SNX29: variants seen among roughly 807,000 people sequenced by gnomAD.
SNX29 encodes the protein sorting nexin-29.
Under a neutral mutation model 102.1 loss-of-function variants are expected in SNX29, and 78 were observed. The observed-to-expected ratio is 0.76, with a 90% CI of 0.64 to 0.92. SNX29 has a LOEUF of 0.92. SNX29 is among the 40% of genes least tolerant of loss of function. The pLI, the probability that SNX29 is intolerant of heterozygous loss-of-function variation, is 0.00. For missense variants in SNX29, 1,280 were observed against 1,061.7 expected (o/e 1.21, Z -2.86); for synonymous variants, 580 against 414.5 (o/e 1.40, Z -4.85).
intron 20 of SNX29, among the ~76,000 whole-genome samples, chr16:12,540,534 G>C (rs1169601006): frequency 6.6e-6 from 1 of 152,226 alleles, no homozygotes; most frequent in Non-Finnish European, 1.5e-5. Context: ...TTGTTTCGCG[G>C]CTTCCTGGCA....
At chr16:12,357,577 A>AG (rs2082172761) in intron 16 of SNX29, among the ~76,000 whole-genome samples, 2 of 152,314 alleles carry the variant, frequency 1.3e-5, no homozygotes, top group South Asian at 4.1e-4. Context: ...ACCATCGTTA[A>AG]GTGTACAGTT....
At chr16:11,993,489 A>G (rs540588562) in intron 1 of SNX29, among the ~76,000 whole-genome samples, 30 of 152,336 alleles carry the variant, frequency 2.0e-4, no homozygotes, top group African/African-American at 6.5e-4. Flanking sequence ...AGGGTTGCCA[A>G]CAATGATGAT....
At chr16:11,982,464 C>T (rs569373701) in intron 1 of SNX29, among the ~76,000 whole-genome samples, 2 of 133,214 alleles carry the variant, frequency 1.5e-5, no homozygotes, top group East Asian at 4.5e-4. Flanking sequence ...GAGTCTTGCT[C>T]TGTCACCCAG....
At chr16:12,558,330 A>G (rs529179025) in intron 20 of SNX29, among the ~76,000 whole-genome samples, 2 of 149,840 alleles carry the variant, frequency 1.3e-5, no homozygotes, top group African/African-American at 4.8e-5. Context: ...GCTATCAACA[A>G]AGAGACAAAG....
intron 16 of SNX29, among the ~76,000 whole-genome samples, chr16:12,397,318 G>C (rs774163420): frequency 1.3e-5 from 2 of 152,084 alleles, no homozygotes; most frequent in Non-Finnish European, 2.9e-5. Context: ...TTTCCTGTTT[G>C]CTGAGGGTTT....
intron 10 of SNX29, among the ~76,000 whole-genome samples, chr16:12,076,683 T>G (rs777192065): frequency 3.9e-5 from 6 of 152,148 alleles, no homozygotes; most frequent in Non-Finnish European, 5.9e-5. Context: ...GACACCAAAG[T>G]CTTATGCCAC....
At chr16:12,348,522 G>A (rs1249275128) in intron 15 of SNX29, among the ~76,000 whole-genome samples, 3 of 151,994 alleles carry the variant, frequency 2.0e-5, no homozygotes, top group East Asian at 3.8e-4. Flanking sequence ...CGTTGACAGC[G>A]CCTTTCCCCG....
intron 13 of SNX29, among the ~76,000 whole-genome samples, chr16:12,182,196 T>G (rs2076401761): frequency 1.3e-5 from 2 of 151,156 alleles, no homozygotes; most frequent in African/African-American, 4.9e-5. Flanking sequence ...CTAGTTTTTT[T>G]TTTTTTTTTT....
At chr16:11,993,540 C>T (rs1431981136) in intron 1 of SNX29, among the ~76,000 whole-genome samples, 1 of 152,076 alleles carries the variant, frequency 6.6e-6, no homozygotes, top group Non-Finnish European at 1.5e-5. Flanking sequence ...ATATACCAGG[C>T]ACTGTTCTAG....
At chr16:12,380,734 TCCA>T (rs1345725708) in intron 16 of SNX29, among the ~76,000 whole-genome samples, 346 of 55,096 alleles carry the variant, frequency 6.3e-3, no homozygotes, top group Middle Eastern at 0.014. Flanking sequence ...CCGCCATCCA[TCCA>T]TCCATCCACC....
chr16:12,561,225 G>C (rs1037346713), intron 20 of SNX29: 1 of 230,020 alleles, frequency 4.3e-6, no homozygotes, highest in Non-Finnish European at 8.6e-6. Flanking sequence ...ATGCAGTACA[G>C]AAGGCAGAGC....
intron 16 of SNX29, among the ~76,000 whole-genome samples, chr16:12,357,200 C>G (rs1023012339): frequency 6.6e-6 from 1 of 152,120 alleles, no homozygotes; most frequent in Non-Finnish European, 1.5e-5. Context: ...GCTCATATAT[C>G]CTTTGTCAGG....
intron 19 of SNX29, 96 bp downstream of exon 19, chr16:12,477,955 C>A: frequency 7.2e-7 from 1 of 1,381,822 alleles, no homozygotes; most frequent in South Asian, 1.7e-5. Flanking sequence ...AACACATGCT[C>A]CTTAAAGAAA....
intron 13 of SNX29, among the ~76,000 whole-genome samples, chr16:12,156,839 C>T (rs1200777657): frequency 2.0e-5 from 3 of 152,136 alleles, no homozygotes; most frequent in African/African-American, 4.8e-5. Flanking sequence ...TGAGTTTCCT[C>T]GTGCCCCCCT....
intron 16 of SNX29, among the ~76,000 whole-genome samples, chr16:12,390,979 TCTGTCACCATGG>T (rs2083510045): frequency 1.3e-5 from 2 of 152,174 alleles, no homozygotes; most frequent in Non-Finnish European, 2.9e-5. Flanking sequence ...GGGGTCTCAC[TCTGTCACCATGG>T]CTGGGGTGCA....
At chr16:12,524,514 C>G (rs894189946) in intron 19 of SNX29, among the ~76,000 whole-genome samples, 188 bp from the exon 20 acceptor site, 4 of 150,612 alleles carry the variant, frequency 2.7e-5, no homozygotes, top group Non-Finnish European at 5.9e-5. Context: ...ATAATAATAT[C>G]GTGAGCATCT....
At chr16:12,313,615 GTTC>G (rs1250719600) in intron 15 of SNX29, among the ~76,000 whole-genome samples, 11 of 152,190 alleles carry the variant, frequency 7.2e-5, no homozygotes, top group Non-Finnish European at 1.3e-4. Context: ...GAATTCGGTG[GTTC>G]TTCTTGTGAG....
At chr16:12,513,719 G>A (rs1408707294) in intron 19 of SNX29, among the ~76,000 whole-genome samples, 1 of 152,166 alleles carries the variant, frequency 6.6e-6, no homozygotes, top group East Asian at 1.9e-4. Context: ...TTCTAAATTT[G>A]CAATTGTATT....
intron 3 of SNX29, among the ~76,000 whole-genome samples, chr16:12,004,124 G>A (rs1454613488): frequency 2.6e-5 from 4 of 150,952 alleles, no homozygotes; most frequent in Non-Finnish European, 5.9e-5. Context: ...GGTGGATCAC[G>A]AGGTCAGGAG....
Sources: gnomAD v4.1 joint callset for allele counts (sites outside exome capture counted in the v4.1 genomes callset) on GRCh38, gnomAD v4.1.1 for gene constraint, MANE v1.5 for transcripts, NCBI Gene and HGNC (gene_info 2026-07-23, HGNC 2026-07-21) for gene names.